Variants in FOCAD observed in about 807,000 individuals in gnomAD.
The protein encoded by FOCAD is focadhesin.
In FOCAD, 198 loss-of-function variants were observed where a neutral mutation model predicts 225.6. The ratio of observed to expected loss-of-function variants is 0.88; its 90% CI spans 0.78 to 0.99. FOCAD has a LOEUF of 0.99. FOCAD is among the 50% of genes least tolerant of loss of function. The pLI, the probability that FOCAD is intolerant of heterozygous loss-of-function variation, is 0.00. For synonymous variants in FOCAD, 897 were observed against 755.0 expected, an observed-to-expected ratio of 1.19 and a Z score of -3.08; for missense variants, 2,713 against 2,123.6, an observed-to-expected ratio of 1.28 and a Z score of -5.46.
chr9:20,768,906 C>T (rs1205755372), intron 7 of FOCAD, among the ~76,000 whole-genome samples: 1 of 152,030 alleles, frequency 6.6e-6, no homozygotes, highest in Non-Finnish European at 1.5e-5. Flanking sequence ...TTGTTTAGAA[C>T]TTTGATAATG....
chr9:20,967,215 T>C (rs1174041837), intron 35 of FOCAD, among the ~76,000 whole-genome samples: 3 of 152,150 alleles, frequency 2.0e-5, no homozygotes, highest in African/African-American at 4.8e-5. Context: ...TTCTAAACTT[T>C]TCGGTGTATA....
At chr9:20,978,543 C>T in intron 37 of FOCAD, 89 bp downstream of exon 37, 1 of 829,274 alleles carries the variant, frequency 1.2e-6, no homozygotes, top group South Asian at 2.4e-5. Flanking sequence ...TTCTCAAAGT[C>T]AAGAGGAGAC....
chr9:20,688,550 G>C (rs1822794629), intron 1 of FOCAD, among the ~76,000 whole-genome samples: 1 of 152,212 alleles, frequency 6.6e-6, no homozygotes, highest in Non-Finnish European at 1.5e-5. Flanking sequence ...CTAGGCTGGA[G>C]ATAGAGATTA....
At chr9:20,957,012 A>T (rs763215936) in intron 35 of FOCAD, among the ~76,000 whole-genome samples, 9 of 152,070 alleles carry the variant, frequency 5.9e-5, no homozygotes, top group Non-Finnish European at 1.5e-5. Context: ...TGAACTTAAT[A>T]TTATATTATA....
At chr9:20,966,512 T>A (rs1839269267) in intron 35 of FOCAD, among the ~76,000 whole-genome samples, 1 of 152,186 alleles carries the variant, frequency 6.6e-6, no homozygotes, top group South Asian at 2.1e-4. Context: ...AACAAGTTTT[T>A]AACTTCGACA....
chr9:20,700,388 G>T (rs1201236969), intron 1 of FOCAD, among the ~76,000 whole-genome samples: 3 of 150,868 alleles, frequency 2.0e-5, no homozygotes. Context: ...TTTTACATGT[G>T]TTCTTTGATT....
chr9:20,987,010 A>C (rs78073189), intron 40 of FOCAD, among the ~76,000 whole-genome samples: 3 of 152,236 alleles, frequency 2.0e-5, no homozygotes, highest in Admixed American at 1.3e-4. Context: ...ATTACTGAAT[A>C]AGAGCGCTCC....
intron 5 of FOCAD, among the ~76,000 whole-genome samples, chr9:20,753,097 G>A (rs911031625): frequency 1.2e-3 from 176 of 152,180 alleles, no homozygotes; most frequent in South Asian, 2.5e-3. Flanking sequence ...CAATCATGTT[G>A]TCTGCAAACA....
rs1269424921 is a variant in FOCAD, at chr9:20,946,314, G to T, written c.3556-387G>T. The stretch of plus-strand genomic sequence containing the variant: ...GTTTGGCCTTGGATGGGAATGCATG[G>T]CAATTAATTAGTAGCACCCACTGGT... On this transcript the variant is annotated intron_variant, in intron 29 of 43. Coordinates refer to ENST00000338382, the MANE Select transcript of FOCAD (RefSeq NM_001375567.1). 3.3e-5 allele frequency among the ~76,000 whole-genome samples: 5 copies of T among 152,212 alleles called. No homozygotes were observed. In the East Asian group the frequency reaches 9.6e-4, roughly 29 times the overall value.
intron 35 of FOCAD, among the ~76,000 whole-genome samples, chr9:20,967,544 A>C (rs1398434952): frequency 6.6e-6 from 1 of 152,104 alleles, no homozygotes; most frequent in East Asian, 1.9e-4. Context: ...TCCAGTACAA[A>C]GTGGTGAAAC....
intron 43 of FOCAD, 48 bp from the exon 44 acceptor site, chr9:20,995,508 C>T: frequency 6.6e-7 from 1 of 1,507,246 alleles, no homozygotes; most frequent in East Asian, 2.3e-5. Context: ...CCTTTTTGAT[C>T]AAAATGACCT....
Position 20,866,980 on chromosome 9 carries a change from G to A in FOCAD, c.2158G>A (p.Gly720Arg), listed in dbSNP as rs755537161. The A allele has an allele frequency of 3.9e-6, 6 of 1,528,416 alleles. No homozygotes were observed. The South Asian group carries it at 6.7e-5, about 17-fold the overall frequency. The allele number at this position is 1,528,416 out of a possible 1,614,324, so 94.7% of individuals were successfully genotyped here. The change falls in exon 18 of 44, where the codon GGA (glycine) becomes AGA (arginine). Residue 720 changes from glycine (G) to arginine (R), a missense_variant. Transcript: ENST00000338382. ...TAGATCCCTGGCCAACTTTAGTGCA[G>A]GAGAACACACCATTCTTCATCTGCC... ...AYRSLANFSA[G>R]EHTILHLPEK...
intron 19 of FOCAD, among the ~76,000 whole-genome samples, chr9:20,879,970 A>G (rs1475569498): frequency 6.6e-6 from 1 of 152,180 alleles, no homozygotes; most frequent in African/African-American, 2.4e-5. Flanking sequence ...ACTTTCTTTC[A>G]TCATAGTGCC....
chr9:20,731,268 A>G (rs1211134092), intron 4 of FOCAD, among the ~76,000 whole-genome samples: 4 of 151,706 alleles, frequency 2.6e-5, no homozygotes, highest in Admixed American at 2.0e-4. Flanking sequence ...CAACAACAAC[A>G]ACAACAACAA....
chr9:20,822,850 T>G, intron 14 of FOCAD, 139 bp from the exon 15 acceptor site: 1 of 597,976 alleles, frequency 1.7e-6, no homozygotes, highest in Non-Finnish European at 2.5e-6. Flanking sequence ...AGAAAAAACA[T>G]GGTGTTAATA....
rs180979835 is a variant in FOCAD, at chr9:20,802,509, T to G, written c.1455+12901T>G. 1.8e-3 allele frequency among the ~76,000 whole-genome samples: 273 copies of G among 152,226 alleles called. 1 individual carries two copies. Among genetic ancestry groups the G allele is most frequent in the Non-Finnish European group, 3.2e-3 (217 of 68,020 alleles). ...TCAAGGGAAACCATGTCTTACTTGT[T>G]TTTACCTCCTAGTAACCTTGGACAG... On this transcript the variant is annotated intron_variant, in intron 11 of 43. Coordinates refer to ENST00000338382, the MANE Select transcript of FOCAD (RefSeq NM_001375567.1).
intron 3 of FOCAD, among the ~76,000 whole-genome samples, chr9:20,718,474 C>T (rs1363395132): frequency 6.6e-6 from 1 of 152,160 alleles, no homozygotes; most frequent in African/African-American, 2.4e-5. Flanking sequence ...CAGGTGTCCT[C>T]TATAGGGAAC....
intron 15 of FOCAD, among the ~76,000 whole-genome samples, chr9:20,837,363 G>A (rs1008463640): frequency 4.6e-5 from 7 of 152,064 alleles, no homozygotes; most frequent in African/African-American, 7.2e-5. Context: ...TGGACACTGG[G>A]AGGGTTTTAA....
At chr9:20,849,653 G>A (rs926043831) in intron 15 of FOCAD, among the ~76,000 whole-genome samples, 1 of 151,832 alleles carries the variant, frequency 6.6e-6, no homozygotes, top group Non-Finnish European at 1.5e-5. Context: ...TTAACGTCAT[G>A]GTTTACAAAC....
Sources: gnomAD v4.1 joint callset for allele counts (sites outside exome capture counted in the v4.1 genomes callset) on GRCh38, gnomAD v4.1.1 for gene constraint, MANE v1.5 for transcripts, NCBI Gene and HGNC (gene_info 2026-07-23, HGNC 2026-07-21) for gene names.